The following KCNK10 variants were observed in gnomAD, a reference collection of about 807,000 sequenced individuals.
The protein encoded by KCNK10 is potassium two pore domain channel subfamily K member 10.
A neutral mutation model predicts 47.7 loss-of-function variants in KCNK10; 25 were observed. The ratio of observed to expected loss-of-function variants is 0.52; its 90% CI spans 0.38 to 0.73. KCNK10 has a LOEUF of 0.73. Among genes scored for constraint, KCNK10 ranks in the 30% least tolerant of loss-of-function variants. The pLI is 0.00. For missense variants in KCNK10, 563 were observed against 714.5 expected (o/e 0.79, Z 2.42); for synonymous variants, 303 against 285.6 (o/e 1.06, Z -0.61).
At chr14:88,270,886 A>G in intron 1 of KCNK10, 1 of 775,418 alleles carries the variant, frequency 1.3e-6, no homozygotes, top group Admixed American at 1.7e-5. Flanking sequence ...CAACATTCAG[A>G]GTAAAGTGCA....
chr14:88,222,956 G>C (rs1218187924), intron 4 of KCNK10, among the ~76,000 whole-genome samples: 1 of 152,278 alleles, frequency 6.6e-6, no homozygotes, highest in South Asian at 2.1e-4. Flanking sequence ...GTGAGATAAG[G>C]GTTCAAATTC....
chr14:88,224,159 A>AT (rs1156309903), intron 4 of KCNK10, among the ~76,000 whole-genome samples: 1 of 152,186 alleles, frequency 6.6e-6, no homozygotes, highest in Non-Finnish European at 1.5e-5. Flanking sequence ...AAAATTAAAC[A>AT]TTTTAAGTGG....
At chr14:88,188,517 T>C (rs149491911) in intron 5 of KCNK10, among the ~76,000 whole-genome samples, 4 of 152,340 alleles carry the variant, frequency 2.6e-5, no homozygotes, top group Middle Eastern at 3.4e-3. Flanking sequence ...TCACCCCCTA[T>C]GGTTTGGAAT....
chr14:88,280,622 C>G (rs1034936738), intron 1 of KCNK10, among the ~76,000 whole-genome samples: 3 of 152,164 alleles, frequency 2.0e-5, no homozygotes, highest in Non-Finnish European at 2.9e-5. Context: ...CTCACCTCCC[C>G]GAATGATAGT....
chr14:88,277,594 A>G (rs949424733), intron 1 of KCNK10, among the ~76,000 whole-genome samples: 1 of 14,228 alleles, frequency 7.0e-5, no homozygotes, highest in Non-Finnish European at 5.8e-3. Flanking sequence ...TGAAATATTC[A>G]TAACTGATTA....
intron 1 of KCNK10, among the ~76,000 whole-genome samples, chr14:88,315,148 T>A (rs116181403): frequency 0.011 from 1,709 of 152,292 alleles, 43 homozygotes; most frequent in African/African-American, 0.04. Context: ...ATGTATTTAA[T>A]CTCCTTTCAG....
intron 4 of KCNK10, among the ~76,000 whole-genome samples, chr14:88,207,610 T>C (rs1206069452): frequency 3.3e-5 from 5 of 152,196 alleles, no homozygotes; most frequent in Admixed American, 2.6e-4. Flanking sequence ...TGGGACCTAG[T>C]CCAGCTTCAA....
At chr14:88,315,747 T>G (rs1888418680) in intron 1 of KCNK10, among the ~76,000 whole-genome samples, 1 of 152,160 alleles carries the variant, frequency 6.6e-6, no homozygotes, top group Admixed American at 6.5e-5. Context: ...TCATTTTCTA[T>G]TCAAGCAACT....
intron 2 of KCNK10, among the ~76,000 whole-genome samples, chr14:88,246,560 C>T (rs867535449): frequency 3.9e-5 from 6 of 152,352 alleles, no homozygotes; most frequent in Non-Finnish European, 7.3e-5. Flanking sequence ...CACAGCCACA[C>T]AAGTGAATCT....
At chr14:88,310,591 AT>A (rs1888307259) in intron 1 of KCNK10, among the ~76,000 whole-genome samples, 2 of 152,218 alleles carry the variant, frequency 1.3e-5, no homozygotes, top group African/African-American at 2.4e-5. Context: ...GAATGCAGAG[AT>A]TATTGCCTGA....
intron 4 of KCNK10, among the ~76,000 whole-genome samples, chr14:88,194,603 G>A (rs575298448): frequency 5.3e-5 from 8 of 152,316 alleles, no homozygotes; most frequent in East Asian, 3.9e-4. Context: ...AGCTGGAGAC[G>A]TTCCTGGACT....
intron 2 of KCNK10, among the ~76,000 whole-genome samples, chr14:88,262,599 C>A (rs954811580): frequency 2.6e-5 from 4 of 152,078 alleles, no homozygotes; most frequent in Admixed American, 1.3e-4. Flanking sequence ...ATCTTTTTTC[C>A]TTAATATCCA....
chr14:88,210,696 G>C (rs1336325320), intron 4 of KCNK10, among the ~76,000 whole-genome samples: 2 of 152,138 alleles, frequency 1.3e-5, no homozygotes, highest in Admixed American at 1.3e-4. Context: ...CAAGAGGGAA[G>C]CAAGGCTAAC....
At chr14:88,291,581 T>A (rs1887878523) in intron 1 of KCNK10, among the ~76,000 whole-genome samples, 1 of 152,200 alleles carries the variant, frequency 6.6e-6, no homozygotes, top group Admixed American at 6.5e-5. Context: ...GAACCCCAGC[T>A]GGGTGCCTGC....
At chr14:88,215,548 T>C (rs780158174) in intron 4 of KCNK10, among the ~76,000 whole-genome samples, 2 of 152,172 alleles carry the variant, frequency 1.3e-5, no homozygotes, top group Non-Finnish European at 2.9e-5. Context: ...ACCATATCAG[T>C]GACTTATATC....
At position 88,225,113 on chromosome 14, in the gene KCNK10, C is replaced by T. The variant is rs147237596; in HGVS notation, c.681+2262G>A. 7.6e-4 allele frequency among the ~76,000 whole-genome samples: 115 copies of T among 152,258 alleles called. 4 individuals are homozygous for T. In the East Asian group the frequency reaches 0.02, roughly 26 times the overall value. On this transcript the variant is annotated intron_variant, in intron 4 of 6. Coordinates refer to ENST00000319231, the MANE Select transcript of KCNK10 (RefSeq NM_138317.3). ...TTCATTTCTCAAATAACCACCTAAACGTAATTGGACTTTTAAATGTAGTTT... is the reference window on the plus strand; with the variant it reads ...TTCATTTCTCAAATAACCACCTAAATGTAATTGGACTTTTAAATGTAGTTT...
chr14:88,257,052 T>G (rs1408014523), intron 2 of KCNK10, among the ~76,000 whole-genome samples: 1 of 152,214 alleles, frequency 6.6e-6, no homozygotes, highest in East Asian at 1.9e-4. Context: ...ATGCAGCACA[T>G]AGCAGAAATC....
intron 1 of KCNK10, among the ~76,000 whole-genome samples, chr14:88,288,699 C>T (rs1272374578): frequency 6.6e-6 from 1 of 152,204 alleles, no homozygotes; most frequent in Non-Finnish European, 1.5e-5. Flanking sequence ...CCACCTTCAT[C>T]TCCTACCATC....
upstream of KCNK10, chr14:88,326,514 G>A (rs1188463246): frequency 4.4e-6 from 6 of 1,366,400 alleles, no homozygotes; most frequent in East Asian, 2.3e-5. Context: ...CAACTTCCAT[G>A]GCTATTGCTT....
Sources: gnomAD v4.1 joint callset for allele counts (sites outside exome capture counted in the v4.1 genomes callset) on GRCh38, gnomAD v4.1.1 for gene constraint, MANE v1.5 for transcripts, NCBI Gene and HGNC (gene_info 2026-07-23, HGNC 2026-07-21) for gene names.